The following CDA variants were observed in gnomAD, a reference collection of about 807,000 sequenced individuals.
The protein encoded by CDA is cytidine deaminase, also known as cytidine aminohydrolase.
In CDA, 7 loss-of-function variants were observed where a neutral mutation model predicts 15.0. The ratio of observed to expected loss-of-function variants is 0.47; its 90% confidence interval spans 0.26 to 0.87. CDA has a LOEUF of 0.87. Among genes scored for constraint, CDA ranks in the 40% least tolerant of loss-of-function variants. CDA has a pLI of 0.15. For missense variants in CDA, 159 were observed against 182.7 expected (o/e 0.87, Z 0.75); for synonymous variants, 58 against 73.0 (o/e 0.79, Z 1.05).
Position 20,618,489 on chromosome 1 carries a change from A to T in CDA, c.362A>T (p.Asp121Val). ...TGGCCCGTGTACATGACCAAGCCGG[A>T]TGGTACGTATATTGTCATGACGGTC... ...TNWPVYMTKP[D>V]GTYIVMTVQE... is the part of the protein sequence containing the mutation. Residue 121 changes from aspartate (D) to valine (V), a missense_variant, in exon 4 of 4, where the codon GAT becomes GTT. Transcript: ENST00000375071. 4 of 1,613,446 alleles carry T rather than the reference A, an allele frequency of 2.5e-6. No individual in the cohort carries two copies. The highest frequency in any genetic ancestry group is 3.4e-6 in the Non-Finnish European group (4 of 1,179,698).
At position 20,606,841 on chromosome 1, in the gene CDA, C is replaced by A. The variant is rs914388318; in HGVS notation, c.266+1802C>A. On this transcript the variant is annotated intron_variant, in intron 2 of 3. Coordinates refer to ENST00000375071, the MANE Select transcript of CDA (RefSeq NM_001785.3). The stretch of plus-strand genomic sequence containing the variant: ...CCCTAGACTCAGTGGTTTCAGGATC[C>A]AAGCACGTAAATTAGCCCTTTTACT... 5.3e-5 allele frequency among the ~76,000 whole-genome samples: 8 copies of A among 152,280 alleles called. No individual in the cohort carries two copies. The East Asian group carries it at 1.5e-3, about 29-fold the overall frequency.
At chr1:20,614,167 C>A (rs2052782114) in intron 3 of CDA, among the ~76,000 whole-genome samples, 1 of 152,190 alleles carries the variant, frequency 6.6e-6, no homozygotes, top group Non-Finnish European at 1.5e-5. Context: ...AAAAGATGGG[C>A]CAGGCCCTGC....
chr1:20,604,616 G>A (rs931372504), intron 1 of CDA, among the ~76,000 whole-genome samples: 1 of 152,094 alleles, frequency 6.6e-6, no homozygotes, highest in Non-Finnish European at 1.5e-5. Context: ...GATCTACCCT[G>A]GCCTTGACCT....
intron 1 of CDA, among the ~76,000 whole-genome samples, chr1:20,594,652 G>T (rs1463573933): frequency 6.6e-6 from 1 of 151,982 alleles, no homozygotes; most frequent in Non-Finnish European, 1.5e-5. Context: ...AGCCAGGTAT[G>T]GTGGTAGGTG....
At chr1:20,618,191 C>T (rs2052835175) in intron 3 of CDA, among the ~76,000 whole-genome samples, 1 of 151,030 alleles carries the variant, frequency 6.6e-6, no homozygotes, top group Non-Finnish European at 1.5e-5. Flanking sequence ...TTAGCTGTTG[C>T]TCTTATAAAG....
intron 2 of CDA, among the ~76,000 whole-genome samples, chr1:20,606,826 A>G (rs1389838537): frequency 2.0e-5 from 3 of 152,214 alleles, no homozygotes; most frequent in African/African-American, 7.2e-5. Context: ...CCCTAGACTC[A>G]GTGGTTTCAG....
chr1:20,612,868 G>A (rs1459886828), intron 2 of CDA, among the ~76,000 whole-genome samples: 6 of 150,236 alleles, frequency 4.0e-5, no homozygotes, highest in Middle Eastern at 3.2e-3. Context: ...GCTTGAACCC[G>A]GGAGGCGGAG....
intron 2 of CDA, among the ~76,000 whole-genome samples, chr1:20,607,069 A>T (rs901439027): frequency 4.6e-5 from 7 of 152,218 alleles, no homozygotes; most frequent in Admixed American, 4.6e-4. Context: ...TTATCTCTTC[A>T]CTCATAGTGG....
intron 2 of CDA, 86 bp from the exon 3 acceptor site, chr1:20,613,756 C>A: frequency 7.7e-7 from 1 of 1,290,900 alleles, no homozygotes; most frequent in Non-Finnish European, 1.1e-6. Flanking sequence ...AAATCAGGAA[C>A]AGACCGAGTC....
chr1:20,599,617 C>CAAAATAAAATAAAATAAAAT (rs57315099), intron 1 of CDA, among the ~76,000 whole-genome samples: 2,629 of 107,986 alleles, frequency 0.024, 157 homozygotes, highest in African/African-American at 0.049. Context: ...ACTCCGTCTC[C>CAAAATAAAATAAAATAAAAT]AAAATAAAAT....
At chr1:20,589,631 G>A (rs745980544) in intron 1 of CDA, among the ~76,000 whole-genome samples, 3 of 152,142 alleles carry the variant, frequency 2.0e-5, no homozygotes, top group Non-Finnish European at 2.9e-5. Context: ...ACCTTACTGA[G>A]GCTTCCACAA....
At chr1:20,593,170 G>T (rs1557545098) in intron 1 of CDA, among the ~76,000 whole-genome samples, 1 of 152,204 alleles carries the variant, frequency 6.6e-6, no homozygotes, top group Non-Finnish European at 1.5e-5. Context: ...CCAGGTGAAT[G>T]ATGATGAGGC....
At chr1:20,610,280 TTTTATTTTTATTTTTATTTA>T (rs2052736108) in intron 2 of CDA, among the ~76,000 whole-genome samples, 1 of 146,770 alleles carries the variant, frequency 6.8e-6, no homozygotes, top group Non-Finnish European at 1.5e-5. Flanking sequence ...TTTTATTTTA[TTTTATTTTTATTTTTATTTA>T]TTTATTTTTA....
chr1:20,600,204 G>GC (rs2052629664), intron 1 of CDA, among the ~76,000 whole-genome samples: 1 of 152,194 alleles, frequency 6.6e-6, no homozygotes, highest in African/African-American at 2.4e-5. Context: ...TGGGTCTTCT[G>GC]CAAGTGTGGA....
At chr1:20,601,173 T>C (rs935546800) in intron 1 of CDA, among the ~76,000 whole-genome samples, 1 of 152,246 alleles carries the variant, frequency 6.6e-6, no homozygotes, top group Admixed American at 6.5e-5. Context: ...TCTTCTCTCA[T>C]CCATTCTTCT....
chr1:20,616,253 G>A (rs2052801528), intron 3 of CDA, among the ~76,000 whole-genome samples: 1 of 152,176 alleles, frequency 6.6e-6, no homozygotes. Context: ...TTTCAACCAT[G>A]GAGGAAACAT....
chr1:20,596,887 A>G (rs1458851744), intron 1 of CDA, among the ~76,000 whole-genome samples: 1 of 151,450 alleles, frequency 6.6e-6, no homozygotes, highest in Non-Finnish European at 1.5e-5. Context: ...TAGCCTCCCA[A>G]GTAGCTGAGA....
chr1:20,615,461 T>C (rs2052792704), intron 3 of CDA, among the ~76,000 whole-genome samples: 1 of 86,094 alleles, frequency 1.2e-5, no homozygotes, highest in Non-Finnish European at 2.4e-5. Context: ...AGCGAGACCC[T>C]GTTCTCCACA....
At chr1:20,595,903 CTT>C (rs972467105) in intron 1 of CDA, among the ~76,000 whole-genome samples, 2 of 150,314 alleles carry the variant, frequency 1.3e-5, no homozygotes, top group Non-Finnish European at 3.0e-5. Context: ...TCACTCAGCA[CTT>C]TGGGAGGCTG....
Sources: allele counts gnomAD v4.1 joint callset (sites outside exome capture counted in the v4.1 genomes callset), GRCh38; gene constraint gnomAD v4.1.1; transcripts MANE v1.5; gene names NCBI Gene and HGNC (gene_info 2026-07-23, HGNC 2026-07-21).